Variants in LAMA1 observed in about 807,000 individuals in gnomAD.
The protein encoded by LAMA1 is laminin subunit alpha-1.
Under a neutral mutation model 348.7 loss-of-function variants are expected in LAMA1, and 219 were observed. That is an observed-to-expected ratio of 0.63 (90% CI 0.56 to 0.70). LAMA1 has a LOEUF of 0.70. LAMA1 is among the 30% of genes least tolerant of loss of function. The probability of loss-of-function intolerance (pLI) is 0.00; values close to 1 mark genes in which losing one functional copy is unlikely to be tolerated. For synonymous variants in LAMA1, 1,487 were observed against 1,491.0 expected (o/e 1.00, Z 0.06); for missense variants, 3,744 against 3,888.0 (o/e 0.96, Z 0.99).
At chr18:6,982,712 G>A (rs1568017747) in intron 40 of LAMA1, 122 bp from the exon 41 acceptor site, 1 of 837,586 alleles carries the variant, frequency 1.2e-6, no homozygotes, top group Non-Finnish European at 2.1e-6. Context: ...AGTCAGCCAG[G>A]TACCAGGTAG....
rs762916834 is a variant in LAMA1 at position 6,949,147 on chromosome 18, TAGAACA to T, written c.8504_8509del (p.Leu2835_Phe2836del). 7.4e-6 allele frequency: 12 copies of T among 1,614,140 alleles called. No individual in the cohort carries two copies. Among genetic ancestry groups the T allele is most frequent in the Non-Finnish European group, 1.0e-5 (12 of 1,180,024 alleles). On this transcript the variant is annotated inframe_deletion, in exon 59 of 63. Transcript: ENST00000389658. ...GTACTGGGAGGGCAGGCCTCCTAGG[TAGAACA>T]AACCCTCCACATCCAGCATGGTTCC...
chr18:6,995,870 A>G (rs1329302925), intron 33 of LAMA1, among the ~76,000 whole-genome samples: 1 of 152,232 alleles, frequency 6.6e-6, no homozygotes, highest in Non-Finnish European at 1.5e-5. Flanking sequence ...AAAGTGCTTA[A>G]TTTATGCCAA....
chr18:6,993,418 G>A (rs2057767017), intron 35 of LAMA1, among the ~76,000 whole-genome samples: 1 of 151,938 alleles, frequency 6.6e-6, no homozygotes, highest in South Asian at 2.1e-4. Flanking sequence ...TAAGTTTTAG[G>A]CATAATGCAG....
chr18:7,099,355 A>G (rs1196084029), intron 1 of LAMA1, among the ~76,000 whole-genome samples: 5 of 151,812 alleles, frequency 3.3e-5, no homozygotes, highest in Non-Finnish European at 7.4e-5. Flanking sequence ...TCCTCTGCCT[A>G]GGAAAACCAG....
At chr18:7,024,064 G>A (rs534639138) in intron 18 of LAMA1, among the ~76,000 whole-genome samples, 14 of 150,994 alleles carry the variant, frequency 9.3e-5, no homozygotes, top group Admixed American at 6.6e-4. Context: ...GGCTGGTCTC[G>A]AACTCCTAAC....
intron 39 of LAMA1, among the ~76,000 whole-genome samples, chr18:6,983,666 T>C (rs2057722214): frequency 6.6e-6 from 1 of 152,190 alleles, no homozygotes; most frequent in African/African-American, 2.4e-5. Context: ...GGCCGCTGAA[T>C]CTTATCCCTC....
intron 36 of LAMA1, among the ~76,000 whole-genome samples, chr18:6,986,549 A>AT (rs1378703804): frequency 1.3e-5 from 1 of 76,070 alleles, no homozygotes; most frequent in Non-Finnish European, 2.4e-5. Flanking sequence ...TCCTTAACAA[A>AT]TTGTCTTTTT....
chr18:6,962,811 G>A (rs2057614526), intron 51 of LAMA1, among the ~76,000 whole-genome samples: 1 of 152,202 alleles, frequency 6.6e-6, no homozygotes, highest in Non-Finnish European at 1.5e-5. Flanking sequence ...CATGAACTTT[G>A]TCCTAAAGGA....
At chr18:7,080,768 A>C (rs2058190357) in intron 1 of LAMA1, among the ~76,000 whole-genome samples, 1 of 152,166 alleles carries the variant, frequency 6.6e-6, no homozygotes, top group Non-Finnish European at 1.5e-5. Flanking sequence ...GGCAGATGCA[A>C]TTGTGAAAAA....
chr18:6,950,724 CGAGT>C, intron 58 of LAMA1, 54 bp downstream of exon 58: 1 of 1,583,470 alleles, frequency 6.3e-7, no homozygotes. Context: ...GGAGTGAACC[CGAGT>C]GATAGATGGA....
chr18:7,001,639 G>C (rs1450317903), intron 30 of LAMA1, among the ~76,000 whole-genome samples: 3 of 152,058 alleles, frequency 2.0e-5, no homozygotes, highest in Non-Finnish European at 4.4e-5. Context: ...TTTGATCTTT[G>C]TATGTTCAAT....
At chr18:7,042,373 G>T in intron 8 of LAMA1, 123 bp from the exon 9 acceptor site, 1 of 695,660 alleles carries the variant, frequency 1.4e-6, no homozygotes, top group Non-Finnish European at 2.6e-6. Flanking sequence ...TTTGTGCATG[G>T]GGGTGGGGGT....
At chr18:7,032,916 C>T (rs1226099047) in intron 15 of LAMA1, 68 bp downstream of exon 15, 15 of 1,148,650 alleles carry the variant, frequency 1.3e-5, no homozygotes, top group Non-Finnish European at 1.8e-5. Flanking sequence ...CCATGACATC[C>T]CCTTCAGTGC....
At chr18:7,092,837 C>A (rs549435623) in intron 1 of LAMA1, among the ~76,000 whole-genome samples, 1 of 152,100 alleles carries the variant, frequency 6.6e-6, no homozygotes, top group Non-Finnish European at 1.5e-5. Flanking sequence ...AATACAGACT[C>A]GTGGTTTCCC....
intron 53 of LAMA1, chr18:6,960,682 A>G (rs2057602887): frequency 2.0e-5 from 3 of 151,928 alleles, no homozygotes; most frequent in Non-Finnish European, 2.9e-5. Flanking sequence ...ACTACAAAAA[A>G]AAAAAAAAAG....
intron 41 of LAMA1, among the ~76,000 whole-genome samples, chr18:6,981,003 T>C (rs1307907643): frequency 6.6e-6 from 1 of 151,472 alleles, no homozygotes; most frequent in Non-Finnish European, 1.5e-5. Flanking sequence ...CTTGGGAGGC[T>C]GAGGCAGGAG....
chr18:7,086,786 T>C (rs755552816), intron 1 of LAMA1, among the ~76,000 whole-genome samples: 2 of 152,190 alleles, frequency 1.3e-5, no homozygotes, highest in African/African-American at 2.4e-5. Context: ...TGCTGCCGAC[T>C]CTGTGTCTTT....
intron 5 of LAMA1, 111 bp from the exon 6 acceptor site, chr18:7,046,478 CTAAAA>C (rs2058042417): frequency 1.6e-6 from 1 of 636,652 alleles, no homozygotes; most frequent in African/African-American, 1.9e-5. Flanking sequence ...TATTGGTAAT[CTAAAA>C]TATAATTACA....
intron 28 of LAMA1, among the ~76,000 whole-genome samples, chr18:7,007,483 A>C (rs1180892096): frequency 6.6e-6 from 1 of 152,078 alleles, no homozygotes; most frequent in Non-Finnish European, 1.5e-5. Flanking sequence ...AAAAAAAAAA[A>C]AAACTAACAA....
Sources: gnomAD v4.1 joint callset for allele counts (sites outside exome capture counted in the v4.1 genomes callset) on GRCh38, gnomAD v4.1.1 for gene constraint, MANE v1.5 for transcripts, NCBI Gene and HGNC (gene_info 2026-07-23, HGNC 2026-07-21) for gene names.